PSEN2: variants seen among roughly 807,000 people sequenced by gnomAD.
PSEN2 encodes the protein presenilin 2.
A neutral mutation model predicts 49.1 loss-of-function variants in PSEN2; 32 were observed. That is an observed-to-expected ratio of 0.65 (90% CI 0.49 to 0.88). PSEN2 has a LOEUF of 0.88. Ranked by LOEUF, PSEN2 falls within the 40% of genes least tolerant of loss-of-function variation. PSEN2 has a pLI of 0.00. For synonymous variants in PSEN2, 255 were observed against 244.0 expected (o/e 1.05, Z -0.42); for missense variants, 522 against 586.9 (o/e 0.89, Z 1.14).
intron 3 of PSEN2, 80 bp from the exon 4 acceptor site, chr1:226,881,808 G>C (rs753345556): frequency 3.3e-6 from 5 of 1,532,074 alleles, no homozygotes; most frequent in Non-Finnish European, 4.5e-6. Flanking sequence ...TCTCCAGGTC[G>C]CCTCCAGCCA....
At chr1:226,885,708 C>T (rs1558147136) in intron 6 of PSEN2, 29 bp downstream of exon 6, 3 of 1,603,226 alleles carry the variant, frequency 1.9e-6, no homozygotes, top group East Asian at 2.2e-5. Context: ...CCTCCAGCCA[C>T]GCTTCTCTCC....
chr1:226,891,005 G>C (rs1236399033), intron 9 of PSEN2: 1 of 505,002 alleles, frequency 2.0e-6, no homozygotes, highest in Admixed American at 3.4e-5. Flanking sequence ...GGGCTCGGGG[G>C]ATTCACCCGT....
At chr1:226,891,865 C>T (rs968604078) in intron 11 of PSEN2, 21 bp downstream of exon 11, 27 of 1,600,878 alleles carry the variant, frequency 1.7e-5, no homozygotes, top group Middle Eastern at 1.6e-4. Context: ...CATGTTCACA[C>T]GGCCTGCTTC....
At position 226,876,909 on chromosome 1, in the gene PSEN2, A is replaced by G. The variant is rs147301577; in HGVS notation, c.-21+1359A>G. 3.0e-3 allele frequency among the ~76,000 whole-genome samples: 457 copies of G among 152,210 alleles called. 1 individual carries two copies. Among genetic ancestry groups the G allele is most frequent in the African/African-American group, 0.011 (437 of 41,520 alleles). ...TTCCACACTCTCCTCCGCAGTGGGCATTGTTTTGGGCCTTTTTCAGCCCAA... is the reference window on the plus strand; with the variant it reads ...TTCCACACTCTCCTCCGCAGTGGGCGTTGTTTTGGGCCTTTTTCAGCCCAA... On this transcript the variant is annotated intron_variant, in intron 3 of 12. Transcript: ENST00000366783.
intron 5 of PSEN2, chr1:226,884,610 T>C (rs79578214): frequency 0.053 from 7,991 of 152,054 alleles, 358 homozygotes; most frequent in East Asian, 0.18. Flanking sequence ...GTTGTTGTTG[T>C]TTCTTTTAAA....
intron 5 of PSEN2, among the ~76,000 whole-genome samples, chr1:226,884,989 G>C (rs1214625836): frequency 1.3e-5 from 2 of 152,166 alleles, no homozygotes; most frequent in South Asian, 4.1e-4. Context: ...ATTCAGCGCA[G>C]AACAGGTGAA....
rs1196104597 is a variant in PSEN2 at position 226,885,566 on chromosome 1, C to A, written c.385C>A (p.Pro129Thr). ...CTACACGCCATTCACTGAGGACACA[C>A]CCTCGGTGGGCCAGCGCCTCCTCAA... ...LIYTPFTEDT[P>T]SVGQRLLNSV... The change falls in exon 6 of 13, where the codon CCC (proline) becomes ACC (threonine). Residue 129 changes from proline to threonine, a missense_variant. Coordinates refer to ENST00000366783, the MANE Select transcript of PSEN2 (RefSeq NM_000447.3). 6.2e-7 allele frequency: 1 copy of A among 1,614,026 alleles called. No individual in the cohort carries two copies. The highest frequency in any genetic ancestry group is 1.7e-5 in the Admixed American group (1 of 60,010).
In PSEN2 at chr1:226,883,775, G is replaced by T. The variant is rs769031756; in HGVS notation, c.212G>T (p.Arg71Leu). ...DRYVCSGVPG[R>L]PPGLEEELTL... Reference sequence around the variant, plus strand: ...TATGTCTGTAGTGGGGTTCCCGGGCGGCCGCCAGGCCTGGAGGAAGAGCTG... The same window carrying T: ...TATGTCTGTAGTGGGGTTCCCGGGCTGCCGCCAGGCCTGGAGGAAGAGCTG... The change falls in exon 5 of 13, where the codon CGG (arginine) becomes CTG (leucine). Residue 71 changes from arginine (R) to leucine (L), a missense_variant. Physicochemically the swap from Arg to Leu is moderately radical, Grantham distance 102. Transcript: ENST00000366783. The T allele has an allele frequency of 5.6e-6, 9 of 1,614,174 alleles. No individual in the cohort carries two copies. In the South Asian group the frequency reaches 9.9e-5, roughly 18 times the overall value.
chr1:226,883,975 T>TGGGGGGCGCTGGGGGG, intron 5 of PSEN2, 56 bp downstream of exon 5: 1 of 129,696 alleles, frequency 7.7e-6, no homozygotes, highest in Non-Finnish European at 1.5e-5. Context: ...TGCCAGGGGG[T>TGGGGGGCGCTGGGGGG]GGGGGGCGCA....
At position 226,881,973 on chromosome 1, in the gene PSEN2, G is replaced by A. The variant is rs367645069; in HGVS notation, c.66G>A (p.Ser22=). 170 of 1,613,944 alleles carry A rather than the reference G, an allele frequency of 1.1e-4. No homozygotes were observed. The highest frequency in any genetic ancestry group is 1.8e-4 in the South Asian group (16 of 91,086). Residue 22 remains serine, a synonymous_variant, in exon 4 of 13, where the codon TCG becomes TCA. Coordinates refer to ENST00000366783, the MANE Select transcript of PSEN2 (RefSeq NM_000447.3). ...EVCDERTSLM[S]AESPTPRSCQ... is the part of the protein sequence containing the mutation. ...GTGATGAGCGGACGTCCCTAATGTC[G>A]GCTGAGAGCCCCACGCCGCGCTCCT...
chr1:226,892,611 G>A (rs1661835021), intron 11 of PSEN2, among the ~76,000 whole-genome samples: 2 of 152,214 alleles, frequency 1.3e-5, no homozygotes, highest in Admixed American at 1.3e-4. Flanking sequence ...AGTGACACGG[G>A]AGGGGCAAGC....
chr1:226,891,933 G>A, intron 11 of PSEN2, 89 bp downstream of exon 11: 1 of 1,215,694 alleles, frequency 8.2e-7, no homozygotes, highest in Non-Finnish European at 1.2e-6. Flanking sequence ...GGGTGGAGGA[G>A]GGCATGAGGG....
intron 5 of PSEN2, among the ~76,000 whole-genome samples, chr1:226,885,065 G>A (rs1661265323): frequency 6.6e-6 from 1 of 152,148 alleles, no homozygotes; most frequent in Admixed American, 6.5e-5. Flanking sequence ...TGAGGTTTGA[G>A]TGAATTGCTT....
intron 3 of PSEN2, among the ~76,000 whole-genome samples, chr1:226,878,165 C>T (rs1441630814): frequency 1.3e-5 from 2 of 152,024 alleles, no homozygotes; most frequent in Non-Finnish European, 2.9e-5. Context: ...CTGCAGCCTC[C>T]GCCTCCTGGG....
In PSEN2 at chr1:226,885,697, CCCTCCAGCCACG is replaced by C; in HGVS notation, c.498+20_498+31del. Reference sequence around the variant, plus strand: ...GCTACAAGGTGAGGCCCTGGCCCTGCCCTCCAGCCACGCTTCTCTCCGTCTGCCCCACACCAT... The same window carrying C: ...GCTACAAGGTGAGGCCCTGGCCCTGCCTTCTCTCCGTCTGCCCCACACCAT... On this transcript the variant is annotated intron_variant, in intron 6 of 12. Coordinates refer to ENST00000366783, the MANE Select transcript of PSEN2 (RefSeq NM_000447.3). The C allele has an allele frequency of 6.2e-7, 1 of 1,604,404 alleles. No homozygotes were observed. Among genetic ancestry groups the C allele is most frequent in the African/African-American group, 1.3e-5 (1 of 75,000 alleles).
chr1:226,902,142 C>T (rs1487771665), intron 12 of PSEN2, among the ~76,000 whole-genome samples: 2 of 152,162 alleles, frequency 1.3e-5, no homozygotes, highest in African/African-American at 2.4e-5. Context: ...GCTGAAACTG[C>T]TCCACCTCAG....
intron 12 of PSEN2, among the ~76,000 whole-genome samples, chr1:226,903,133 C>T (rs1662368291): frequency 6.6e-6 from 1 of 152,044 alleles, no homozygotes; most frequent in South Asian, 2.1e-4. Flanking sequence ...CTTTTTGACT[C>T]CAGCATGACT....
At chr1:226,880,739 C>G in intron 3 of PSEN2, 1 of 1,610,744 alleles carries the variant, frequency 6.2e-7, no homozygotes, top group Admixed American at 1.7e-5. Context: ...ACTGGGTCCC[C>G]CACTTGGTAC....
At chr1:226,888,225 A>C (rs1213748640) in intron 7 of PSEN2, 67 bp downstream of exon 7, 1 of 1,391,130 alleles carries the variant, frequency 7.2e-7, no homozygotes, top group Non-Finnish European at 1.0e-6. Flanking sequence ...GGACATGGGC[A>C]TGAGGACCTG....
Sources: allele counts gnomAD v4.1 joint callset (sites outside exome capture counted in the v4.1 genomes callset), GRCh38; gene constraint gnomAD v4.1.1; transcripts MANE v1.5; gene names NCBI Gene and HGNC (gene_info 2026-07-23, HGNC 2026-07-21).